SERPINB8: variants seen among roughly 807,000 people sequenced by gnomAD.
The protein encoded by SERPINB8 is serpin family B member 8.
A neutral mutation model predicts 35.3 loss-of-function variants in SERPINB8; 25 were observed. The ratio of observed to expected loss-of-function variants is 0.71; its 90% confidence interval spans 0.52 to 0.99. The LOEUF (loss-of-function observed/expected upper bound fraction) is 0.99. Among genes scored for constraint, SERPINB8 ranks in the 50% least tolerant of loss-of-function variants. The pLI is 0.00. For synonymous variants in SERPINB8, 186 were observed against 160.8 expected (o/e 1.16, Z -1.19); for missense variants, 484 against 446.5 (o/e 1.08, Z -0.76).
At chr18:64,006,825 G>A (rs1387324506), downstream of SERPINB8, among the ~76,000 whole-genome samples, 1 of 151,892 alleles carries the variant, frequency 6.6e-6, no homozygotes, top group Non-Finnish European at 1.5e-5. Context: ...AAACTTTTGG[G>A]GTACAGCTAA....
Position 63,985,185 on chromosome 18 carries a change from T to C in SERPINB8, c.660T>C (p.Tyr220=). Reference sequence around the variant, plus strand: ...ACACCCAGGTCCTGGAGCTGCCCTATGTGGAAGAGGAGCTGAGCATGGTCA... The same window carrying C: ...ACACCCAGGTCCTGGAGCTGCCCTACGTGGAAGAGGAGCTGAGCATGGTCA... ...EVHTQVLELP[Y]VEEELSMVIL... The change falls in exon 6 of 7, where the codon TAT becomes TAC. Residue 220 remains tyrosine (Y), a synonymous_variant. Transcript: ENST00000397985. 6.2e-7 allele frequency: 1 copy of C among 1,614,206 alleles called. No individual in the cohort carries two copies. Among genetic ancestry groups the C allele is most frequent in the Non-Finnish European group, 8.5e-7 (1 of 1,180,032 alleles).
chr18:63,972,390 A>G (rs1461283380), intron 1 of SERPINB8, among the ~76,000 whole-genome samples: 1 of 152,232 alleles, frequency 6.6e-6, no homozygotes, highest in African/African-American at 2.4e-5. Context: ...TAAAGAACTT[A>G]TAGATATGGT....
rs1158356034 is a variant in SERPINB8 at position 63,988,474 on chromosome 18, A to C, written c.*1196A>C. On this transcript the variant is annotated 3_prime_UTR_variant, in exon 7 of 7. Coordinates refer to ENST00000397985, the MANE Select transcript of SERPINB8 (RefSeq NM_002640.4). Reference sequence around the variant, plus strand: ...CTAAATATTTGCTCACATCCTTAATATATTTTTTAAAATTCCTAACAATAG... The same window carrying C: ...CTAAATATTTGCTCACATCCTTAATCTATTTTTTAAAATTCCTAACAATAG... 1 of 152,214 alleles carries C rather than the reference A, an allele frequency of 6.6e-6. No individual in the cohort carries two copies. 9.4% of individuals were successfully genotyped at this position (152,214 alleles called of 1,614,324 possible). A position where few individuals can be genotyped will look rare whatever the true frequency, so the allele number is the denominator to read the frequency against.
At chr18:63,998,496 T>G (rs1044183595) in intron 1 of SERPINB8, among the ~76,000 whole-genome samples, 8 of 152,178 alleles carry the variant, frequency 5.3e-5, no homozygotes, top group Non-Finnish European at 1.0e-4. Context: ...CTGATGGAAA[T>G]GGACAATATA....
Position 63,986,958 on chromosome 18 carries a change from C to G in SERPINB8, c.805C>G (p.Pro269Ala). ...AAAAAGTAAGGTTCAAGTTTTCCTT[C>G]CCAGATTAAAGCTGGAGGAGAGTTA... ...LTKSKVQVFL[P>A]RLKLEESYDL... is the part of the protein sequence containing the mutation. Residue 269 changes from proline to alanine, a missense_variant, in exon 7 of 7, where the codon CCC (proline) becomes GCC (alanine). Pro to Ala is a conservative substitution (Grantham distance 27, BLOSUM62 -1). Coordinates refer to ENST00000397985, the MANE Select transcript of SERPINB8 (RefSeq NM_002640.4). 6.2e-7 allele frequency: 1 copy of G among 1,614,122 alleles called. No homozygotes were observed. Among genetic ancestry groups the G allele is most frequent in the Non-Finnish European group, 8.5e-7 (1 of 1,179,994 alleles).
intron 1 of SERPINB8, among the ~76,000 whole-genome samples, chr18:64,003,834 G>A (rs1403707807): frequency 6.6e-6 from 1 of 152,112 alleles, no homozygotes; most frequent in Non-Finnish European, 1.5e-5. Context: ...CCACATTAAG[G>A]AGGGCAGTCA....
At chr18:64,008,028 T>C (rs532926100), downstream of SERPINB8, among the ~76,000 whole-genome samples, 7 of 152,318 alleles carry the variant, frequency 4.6e-5, no homozygotes, top group African/African-American at 1.7e-4. Flanking sequence ...CCCAAAGTTA[T>C]TATAAGACTA....
downstream of SERPINB8, among the ~76,000 whole-genome samples, chr18:63,989,955 A>AAC (rs2050814492): frequency 6.7e-6 from 1 of 149,114 alleles, no homozygotes; most frequent in Admixed American, 6.6e-5. Context: ...AAAAAAAAAA[A>AAC]AAAAAAAAAA....
intron 1 of SERPINB8, among the ~76,000 whole-genome samples, chr18:63,970,786 C>T (rs976586634): frequency 6.6e-6 from 1 of 151,990 alleles, no homozygotes; most frequent in African/African-American, 2.4e-5. Context: ...CCTTCCTGTC[C>T]CCCCCCTCCG....
Position 63,989,221 on chromosome 18 carries a change from T to A in SERPINB8, c.*1943T>A, listed in dbSNP as rs1374568883. Reference sequence around the variant, plus strand: ...AGATTCATTTATGTTATTGTATGTATCAATAGTTCATCCCTTTTATTGGTA... The same window carrying A: ...AGATTCATTTATGTTATTGTATGTAACAATAGTTCATCCCTTTTATTGGTA... On this transcript the variant is annotated 3_prime_UTR_variant, in exon 7 of 7. Transcript: ENST00000397985. 1 of 152,266 alleles carries A rather than the reference T, an allele frequency of 6.6e-6. No individual in the cohort carries two copies. The allele number at this position is 152,266 out of a possible 1,614,324, so 9.4% of individuals were successfully genotyped here. A position where few individuals can be genotyped will look rare whatever the true frequency, so the allele number is the denominator to read the frequency against.
intron 2 of SERPINB8, 35 bp downstream of exon 2, chr18:63,978,511 G>T (rs1470864483): frequency 6.2e-7 from 1 of 1,607,196 alleles, no homozygotes; most frequent in African/African-American, 1.3e-5. Flanking sequence ...GGAGAACAGT[G>T]TGTTTCCCTT....
chr18:63,979,592 A>T (rs140803017), intron 2 of SERPINB8, among the ~76,000 whole-genome samples: 1 of 152,184 alleles, frequency 6.6e-6, no homozygotes, highest in Non-Finnish European at 1.5e-5. Context: ...CAAAAATCCT[A>T]CAATGCTTAT....
intron 1 of SERPINB8, among the ~76,000 whole-genome samples, chr18:64,004,275 C>G (rs996134215): frequency 6.6e-6 from 1 of 151,986 alleles, no homozygotes; most frequent in Non-Finnish European, 1.5e-5. Flanking sequence ...GTTAAAAAAC[C>G]TGGCACTCAG....
chr18:63,983,602 G>C lies in SERPINB8; in HGVS notation c.448G>C (p.Ala150Pro). The C allele has an allele frequency of 6.2e-7, 1 of 1,613,948 alleles. No homozygotes were observed. The highest frequency in any genetic ancestry group is 1.3e-5 in the African/African-American group (1 of 75,034). Residue 150 changes from alanine to proline, a missense_variant, in exon 5 of 7, where the codon GCT (alanine) becomes CCT (proline). Coordinates refer to ENST00000397985, the MANE Select transcript of SERPINB8 (RefSeq NM_002640.4). ...TEGKISEVLD[A>P]GTVDPLTKLV... ...AGGTAAGATTTCAGAGGTACTGGATGCTGGGACAGTCGATCCCCTGACAAA... is the reference window on the plus strand; with the variant it reads ...AGGTAAGATTTCAGAGGTACTGGATCCTGGGACAGTCGATCCCCTGACAAA...
downstream of SERPINB8, among the ~76,000 whole-genome samples, chr18:63,993,251 TC>T (rs760887839): frequency 6.6e-6 from 1 of 152,246 alleles, no homozygotes; most frequent in Non-Finnish European, 1.5e-5. Context: ...AATTTTGATA[TC>T]CTTTGCATTT....
intron 1 of SERPINB8, among the ~76,000 whole-genome samples, chr18:63,972,694 G>T (rs1298066792): frequency 9.0e-6 from 1 of 110,976 alleles, no homozygotes; most frequent in Non-Finnish European, 1.7e-5. Context: ...CTATGTCCAA[G>T]TGTTTTCATT....
rs1215288518 is a variant in SERPINB8 at position 63,978,358 on chromosome 18, A to C, written c.50A>C (p.Lys17Thr). ...ANGTFAISLF[K>T]ILGEEDNSRN... ...GGCACTTTTGCCATCAGCTTATTTA[A>C]AATATTGGGGGAAGAGGACAACTCA... The change falls in exon 2 of 7, where the codon AAA (lysine) becomes ACA (threonine). Residue 17 changes from lysine to threonine, a missense_variant. By Grantham distance (78) the Lys-to-Thr change is moderately conservative (BLOSUM62 -1). Transcript: ENST00000397985. 6.2e-7 allele frequency: 1 copy of C among 1,614,018 alleles called. No homozygotes were observed. The highest frequency in any genetic ancestry group is 8.5e-7 in the Non-Finnish European group (1 of 1,180,026).
chr18:63,988,869 G>C lies in SERPINB8; in HGVS notation c.*1591G>C, dbSNP rs182086018. The C allele has an allele frequency of 6.6e-6, 1 of 150,422 alleles. No homozygotes were observed. The highest frequency in any genetic ancestry group is 2.5e-5 in the African/African-American group (1 of 40,448). 9.3% of individuals were successfully genotyped at this position (150,422 alleles called of 1,614,324 possible). On this transcript the variant is annotated 3_prime_UTR_variant, in exon 7 of 7. Coordinates refer to ENST00000397985, the MANE Select transcript of SERPINB8 (RefSeq NM_002640.4). The stretch of plus-strand genomic sequence containing the variant: ...TTCTCACTTCCACCTCTAATTTGAA[G>C]AACACTTTAATTGACACAGAATACA...
intron 1 of SERPINB8, among the ~76,000 whole-genome samples, chr18:63,998,802 G>C (rs17072401): frequency 0.025 from 3,854 of 152,264 alleles, 152 homozygotes; most frequent in African/African-American, 0.088. Flanking sequence ...CCTGGTTGCA[G>C]TGCCTGAATT....
Sources: gnomAD v4.1 joint callset for allele counts (sites outside exome capture counted in the v4.1 genomes callset) on GRCh38, gnomAD v4.1.1 for gene constraint, MANE v1.5 for transcripts, NCBI Gene and HGNC (gene_info 2026-07-23, HGNC 2026-07-21) for gene names.